The following ZNF385D variants were observed in gnomAD, a reference collection of about 807,000 sequenced individuals.
ZNF385D encodes the protein zinc finger protein 385D.
In ZNF385D, 15 loss-of-function variants were observed where a neutral mutation model predicts 35.8. The observed-to-expected ratio is 0.42, with a 90% confidence interval of 0.28 to 0.64. The LOEUF is 0.64. Among genes scored for constraint, ZNF385D ranks in the 30% least tolerant of loss-of-function variants. The pLI is 0.23. For synonymous variants in ZNF385D, 212 were observed against 186.8 expected (o/e 1.13, Z -1.10); for missense variants, 474 against 494.6 (o/e 0.96, Z 0.39).
chr3:21,483,890 T>G (rs892443844), intron 4 of ZNF385D, among the ~76,000 whole-genome samples: 1 of 152,122 alleles, frequency 6.6e-6, no homozygotes, highest in Non-Finnish European at 1.5e-5. Flanking sequence ...AGACCATAAG[T>G]TTTTAATTTT....
At chr3:22,007,001 G>A (rs1356449558) in intron 3 of ZNF385D, among the ~76,000 whole-genome samples, 2 of 152,002 alleles carry the variant, frequency 1.3e-5, no homozygotes, top group African/African-American at 4.8e-5. Context: ...TATGAAACTG[G>A]TGATGTTGTC....
intron 3 of ZNF385D, among the ~76,000 whole-genome samples, chr3:22,036,387 T>C (rs1462235421): frequency 6.6e-6 from 1 of 152,152 alleles, no homozygotes; most frequent in Non-Finnish European, 1.5e-5. Context: ...GAATATGTCT[T>C]CTAAACATAA....
At chr3:21,814,724 A>C (rs2073075168) in intron 3 of ZNF385D, among the ~76,000 whole-genome samples, 1 of 152,182 alleles carries the variant, frequency 6.6e-6, no homozygotes, top group South Asian at 2.1e-4. Flanking sequence ...ACTCCCACAA[A>C]ATAATAATGG....
chr3:22,142,280 T>C (rs1704554137), intron 3 of ZNF385D, among the ~76,000 whole-genome samples: 3 of 152,226 alleles, frequency 2.0e-5, no homozygotes, highest in Admixed American at 1.3e-4. Flanking sequence ...ACTAGGAGTT[T>C]ATATGTATAA....
At chr3:22,011,869 T>C (rs1696594181) in intron 3 of ZNF385D, among the ~76,000 whole-genome samples, 1 of 152,152 alleles carries the variant, frequency 6.6e-6, no homozygotes, top group South Asian at 2.1e-4. Flanking sequence ...ATCATGCTAC[T>C]ATTCTACATA....
intron 3 of ZNF385D, among the ~76,000 whole-genome samples, chr3:22,144,850 TC>T (rs1487776761): frequency 3.3e-5 from 5 of 152,180 alleles, no homozygotes; most frequent in Admixed American, 3.3e-4. Flanking sequence ...GGCTTAAAGA[TC>T]ATTTACAGCT....
intron 4 of ZNF385D, among the ~76,000 whole-genome samples, chr3:21,466,962 C>A (rs1703555761): frequency 6.6e-6 from 1 of 152,106 alleles, no homozygotes; most frequent in Non-Finnish European, 1.5e-5. Flanking sequence ...GGACCTGAAC[C>A]CAAATTTTCT....
chr3:22,036,439 C>A (rs1698322152), intron 3 of ZNF385D, among the ~76,000 whole-genome samples: 1 of 151,342 alleles, frequency 6.6e-6, no homozygotes, highest in Non-Finnish European at 1.5e-5. Flanking sequence ...TATCAATTGA[C>A]AAGAAAACTG....
intron 2 of ZNF385D, among the ~76,000 whole-genome samples, chr3:22,288,948 G>A (rs947259209): frequency 6.6e-6 from 1 of 151,982 alleles, no homozygotes. Context: ...TGTTTTTAGC[G>A]GCCATCTGGA....
intron 3 of ZNF385D, among the ~76,000 whole-genome samples, chr3:22,145,415 C>G (rs962480692): frequency 1.2e-4 from 19 of 152,338 alleles, no homozygotes; most frequent in African/African-American, 4.3e-4. Flanking sequence ...TTGAAGAAGT[C>G]TCCTCTCTTC....
intron 3 of ZNF385D, among the ~76,000 whole-genome samples, chr3:22,082,466 G>C (rs981210865): frequency 6.6e-6 from 1 of 152,184 alleles, no homozygotes; most frequent in Non-Finnish European, 1.5e-5. Context: ...AGCAGTCCGA[G>C]ATCAAACTGC....
chr3:21,754,048 C>T (rs961104810), upstream of ZNF385D, among the ~76,000 whole-genome samples: 8 of 152,160 alleles, frequency 5.3e-5, no homozygotes, highest in African/African-American at 1.9e-4. Context: ...AATAGTATTC[C>T]ATTATGTATA....
intron 2 of ZNF385D, among the ~76,000 whole-genome samples, chr3:22,281,268 C>CT (rs1701723082): frequency 6.6e-6 from 1 of 152,018 alleles, no homozygotes; most frequent in Non-Finnish European, 1.5e-5. Context: ...ATTTCCAGTA[C>CT]TATGTTGAAT....
chr3:22,176,939 T>C (rs1694870841), intron 2 of ZNF385D, among the ~76,000 whole-genome samples: 1 of 152,212 alleles, frequency 6.6e-6, no homozygotes, highest in African/African-American at 2.4e-5. Context: ...ACGTCACGAA[T>C]GTATTCCTCA....
chr3:22,143,121 C>T (rs9877926), intron 3 of ZNF385D, among the ~76,000 whole-genome samples: 5,152 of 149,838 alleles, frequency 0.034, 283 homozygotes, highest in African/African-American at 0.12. Context: ...CTCACTCTGT[C>T]GCCCAGGCTG....
At chr3:22,029,666 C>T (rs777717313) in intron 3 of ZNF385D, among the ~76,000 whole-genome samples, 52 of 152,124 alleles carry the variant, frequency 3.4e-4, no homozygotes, top group Non-Finnish European at 4.3e-4. Flanking sequence ...TTCTTTATCA[C>T]GTGACATGAG....
intron 2 of ZNF385D, among the ~76,000 whole-genome samples, chr3:22,273,363 T>C (rs1701274475): frequency 6.6e-6 from 1 of 151,990 alleles, no homozygotes; most frequent in Admixed American, 6.6e-5. Context: ...AGCAGATATA[T>C]TTTATCCCAG....
At chr3:21,955,711 T>A (rs1288711372) in intron 3 of ZNF385D, among the ~76,000 whole-genome samples, 2 of 152,174 alleles carry the variant, frequency 1.3e-5, no homozygotes, top group Non-Finnish European at 2.9e-5. Flanking sequence ...AAATTGAGTA[T>A]CTTCGATTAA....
intron 2 of ZNF385D, among the ~76,000 whole-genome samples, chr3:22,345,419 A>G (rs967577981): frequency 3.3e-5 from 5 of 152,224 alleles, no homozygotes; most frequent in Admixed American, 3.3e-4. Context: ...CCTGATTTCT[A>G]AAACACAAAA....
Sources: gnomAD v4.1 joint callset for allele counts (sites outside exome capture counted in the v4.1 genomes callset) on GRCh38, gnomAD v4.1.1 for gene constraint, MANE v1.5 for transcripts, NCBI Gene and HGNC (gene_info 2026-07-23, HGNC 2026-07-21) for gene names.